Variants in WWC2 observed in about 807,000 individuals in gnomAD.
WWC2 encodes WW and C2 domain containing 2.
A neutral mutation model predicts 138.5 loss-of-function variants in WWC2; 101 were observed. The ratio of observed to expected loss-of-function variants is 0.73; its 90% CI spans 0.62 to 0.86. WWC2 has a LOEUF of 0.86. Among genes scored for constraint, WWC2 ranks in the 40% least tolerant of loss-of-function variants. The pLI, the probability that WWC2 is intolerant of heterozygous loss-of-function variation, is 0.00. For missense variants in WWC2, 1,420 were observed against 1,419.4 expected, an observed-to-expected ratio of 1.00 and a Z score of -0.01; for synonymous variants, 558 against 538.4, an observed-to-expected ratio of 1.04 and a Z score of -0.50.
intron 21 of WWC2, among the ~76,000 whole-genome samples, chr4:183,301,751 T>C (rs1738846661): frequency 1.3e-5 from 2 of 152,238 alleles, no homozygotes; most frequent in African/African-American, 4.8e-5. Context: ...ACATGGTTAT[T>C]ATAACAAATT....
rs76255223 is a variant in WWC2 at position 183,300,243 on chromosome 4, G to A, written c.3384+10608G>A. 2.7e-3 allele frequency among the ~76,000 whole-genome samples: 406 copies of A among 152,162 alleles called. 2 individuals carry two copies. The highest frequency in any genetic ancestry group is 6.4e-3 in the Admixed American group (98 of 15,284). ...AGTGGCTCCCAGGCCTCGTAAGCCC[G>A]GCATCTTATCGTGATTCGTTGGGTG... On this transcript the variant is annotated intron_variant, in intron 21 of 22. Coordinates refer to ENST00000403733, the MANE Select transcript of WWC2 (RefSeq NM_024949.6).
At chr4:183,251,044 A>G (rs773702566) in intron 8 of WWC2, among the ~76,000 whole-genome samples, 2 of 152,206 alleles carry the variant, frequency 1.3e-5, no homozygotes, top group East Asian at 3.8e-4. Flanking sequence ...TCCACAAATT[A>G]TTAACCATGT....
chr4:183,117,212 C>CT (rs1732439038), intron 1 of WWC2, among the ~76,000 whole-genome samples: 2 of 138,012 alleles, frequency 1.4e-5, no homozygotes, highest in African/African-American at 2.8e-5. Context: ...CCACATTCTT[C>CT]TTCTTTTTTT....
intron 1 of WWC2, among the ~76,000 whole-genome samples, chr4:183,177,810 C>T (rs1204518805): frequency 6.6e-6 from 1 of 152,064 alleles, no homozygotes; most frequent in Non-Finnish European, 1.5e-5. Flanking sequence ...GACTCATTTA[C>T]CTTCTTAAAG....
chr4:183,281,828 A>G (rs1738086649), intron 17 of WWC2, among the ~76,000 whole-genome samples: 2 of 152,224 alleles, frequency 1.3e-5, no homozygotes, highest in Non-Finnish European at 2.9e-5. Flanking sequence ...GGTTCATTAT[A>G]GTATCTTTAA....
At chr4:183,188,160 C>T (rs1734870803) in intron 1 of WWC2, among the ~76,000 whole-genome samples, 1 of 152,112 alleles carries the variant, frequency 6.6e-6, no homozygotes, top group Non-Finnish European at 1.5e-5. Flanking sequence ...ATTGGAGCCT[C>T]CAGATGTTGC....
At chr4:183,203,332 CCCTTCTGA>C (rs1735354701) in intron 2 of WWC2, among the ~76,000 whole-genome samples, 1 of 151,928 alleles carries the variant, frequency 6.6e-6, no homozygotes. Flanking sequence ...GGTACCTCAG[CCCTTCTGA>C]GGTACCCGCA....
At chr4:183,285,603 T>C (rs1468911668) in intron 19 of WWC2, among the ~76,000 whole-genome samples, 1 of 151,774 alleles carries the variant, frequency 6.6e-6, no homozygotes, top group Non-Finnish European at 1.5e-5. Flanking sequence ...CTACTAAAAA[T>C]AGAAAAATTA....
intron 1 of WWC2, among the ~76,000 whole-genome samples, chr4:183,146,069 C>CTTA (rs1169296017): frequency 6.6e-6 from 1 of 152,188 alleles, no homozygotes; most frequent in Non-Finnish European, 1.5e-5. Flanking sequence ...ACAGCTTTTG[C>CTTA]TTATCCTGGC....
chr4:183,193,559 C>T (rs763839043), intron 1 of WWC2, 40 bp from the exon 2 acceptor site: 38 of 1,581,768 alleles, frequency 2.4e-5, no homozygotes, highest in Middle Eastern at 1.7e-4. Context: ...TGCGGTTTGA[C>T]GGAAAGAATC....
intron 1 of WWC2, among the ~76,000 whole-genome samples, chr4:183,109,851 C>CT (rs112952778): frequency 1.1e-4 from 17 of 149,362 alleles, no homozygotes; most frequent in South Asian, 8.5e-4. Context: ...TCTCATGTTA[C>CT]TTTTTTTTTT....
At chr4:183,131,234 A>G (rs1471080281) in intron 1 of WWC2, among the ~76,000 whole-genome samples, 1 of 151,988 alleles carries the variant, frequency 6.6e-6, no homozygotes, top group Non-Finnish European at 1.5e-5. Context: ...CATAGATATA[A>G]ATGTAAAATA....
At position 183,260,984 on chromosome 4, in the gene WWC2, ACACCTCCAG is replaced by A; in HGVS notation, c.1364_1372del (p.Thr455_Ser457del). On this transcript the variant is annotated inframe_deletion, in exon 11 of 23. Transcript: ENST00000403733. Reference sequence around the variant, plus strand: ...CTGGCATCGAGTCGGGGCTCTCTGAACACCTCCAGCAGAGGGTCACTCAACTCCCTCAGT... The same window carrying A: ...CTGGCATCGAGTCGGGGCTCTCTGAACAGAGGGTCACTCAACTCCCTCAGT... 6.2e-7 allele frequency: 1 copy of A among 1,613,940 alleles called. No individual in the cohort carries two copies. Among genetic ancestry groups the A allele is most frequent in the East Asian group, 2.2e-5 (1 of 44,874 alleles).
intron 1 of WWC2, among the ~76,000 whole-genome samples, chr4:183,105,427 C>T (rs1419999756): frequency 2.0e-5 from 3 of 152,188 alleles, no homozygotes; most frequent in Non-Finnish European, 4.4e-5. Flanking sequence ...GAGATTATCA[C>T]TTTAGAGGGG....
intron 2 of WWC2, among the ~76,000 whole-genome samples, chr4:183,200,112 G>A (rs1176159627): frequency 2.0e-5 from 3 of 152,174 alleles, no homozygotes; most frequent in African/African-American, 7.2e-5. Context: ...GCTTCCCACT[G>A]ACTCTCTTGT....
chr4:183,251,163 T>C (rs1343816978), intron 8 of WWC2, among the ~76,000 whole-genome samples: 1 of 152,202 alleles, frequency 6.6e-6, no homozygotes, highest in Admixed American at 6.5e-5. Context: ...TAGGGAAAAA[T>C]GTTTAGGCTT....
intron 15 of WWC2, chr4:183,269,400 T>G: frequency 1.5e-6 from 1 of 649,060 alleles, no homozygotes; most frequent in South Asian, 1.5e-5. Context: ...TGCTTTCTAT[T>G]TCTACCTTTT....
chr4:183,154,002 C>A (rs927364614), intron 1 of WWC2, among the ~76,000 whole-genome samples: 265 of 71,676 alleles, frequency 3.7e-3, no homozygotes, highest in African/African-American at 4.7e-3. Context: ...CTTTAAAAAG[C>A]AAAAAAAAAA....
rs539804019 is a variant in WWC2, at chr4:183,198,217, G to A, written c.241+4509G>A. Reference sequence around the variant, plus strand: ...GACCCTGTCTCAAGAACAAACAAACGAAAAGTAATGGTATATAGGAGAAAA... The same window carrying A: ...GACCCTGTCTCAAGAACAAACAAACAAAAAGTAATGGTATATAGGAGAAAA... On this transcript the variant is annotated intron_variant, in intron 2 of 22. Coordinates refer to ENST00000403733, the MANE Select transcript of WWC2 (RefSeq NM_024949.6). Among the ~76,000 whole-genome samples the A allele has an allele frequency of 5.3e-5, 8 of 152,128 alleles. No individual in the cohort carries two copies. In the South Asian group the frequency reaches 1.0e-3, roughly 20 times the overall value.
Sources: gnomAD v4.1 joint callset for allele counts (sites outside exome capture counted in the v4.1 genomes callset) on GRCh38, gnomAD v4.1.1 for gene constraint, MANE v1.5 for transcripts, NCBI Gene and HGNC (gene_info 2026-07-23, HGNC 2026-07-21) for gene names.